The following CENPK variants were observed in gnomAD, a reference collection of about 807,000 sequenced individuals.
CENPK encodes the protein centromere protein K.
A neutral mutation model predicts 40.9 loss-of-function variants in CENPK; 46 were observed. The observed-to-expected ratio is 1.13, with a 90% confidence interval of 0.89 to 1.44. The LOEUF (loss-of-function observed/expected upper bound fraction) is 1.44, where lower values mean the gene tolerates loss of function less well. Ranked by LOEUF, CENPK falls within the 40% of genes most tolerant of loss-of-function variation. The pLI is 0.00. For missense variants in CENPK, 288 were observed against 303.5 expected, an observed-to-expected ratio of 0.95 and a Z score of 0.38; for synonymous variants, 107 against 104.4, an observed-to-expected ratio of 1.02 and a Z score of -0.15.
intron 6 of CENPK, among the ~76,000 whole-genome samples, chr5:65,533,055 G>T (rs768778794): frequency 6.6e-6 from 1 of 151,226 alleles, no homozygotes; most frequent in East Asian, 2.0e-4. Flanking sequence ...ATATTAATTT[G>T]TGATTTTAAA....
chr5:65,528,004 C>G (rs1049827071), intron 9 of CENPK, among the ~76,000 whole-genome samples: 2 of 152,104 alleles, frequency 1.3e-5, no homozygotes, highest in Non-Finnish European at 2.9e-5. Flanking sequence ...ACTTGGGAGG[C>G]CGAGGTGGGC....
chr5:65,559,920 T>A (rs1751675014), intron 2 of CENPK, among the ~76,000 whole-genome samples: 1 of 152,008 alleles, frequency 6.6e-6, no homozygotes, highest in Admixed American at 6.5e-5. Flanking sequence ...TTTAAATGTA[T>A]ATTTTGGTCC....
downstream of CENPK, among the ~76,000 whole-genome samples, chr5:65,513,975 C>G (rs1051653052): frequency 3.3e-5 from 5 of 152,156 alleles, no homozygotes; most frequent in African/African-American, 1.2e-4. Context: ...TTGATATGAT[C>G]ATGACCTTAC....
intron 10 of CENPK, among the ~76,000 whole-genome samples, chr5:65,519,063 T>C (rs549241462): frequency 4.3e-4 from 66 of 152,208 alleles, no homozygotes; most frequent in Non-Finnish European, 8.1e-4. Flanking sequence ...GATAAATCTT[T>C]GCAAGAGTCA....
the CENPK span, among the ~76,000 whole-genome samples, chr5:65,501,660 A>T: frequency 6.6e-6 from 1 of 152,326 alleles, no homozygotes; most frequent in Admixed American, 6.5e-5. Context: ...AATGGGGCAC[A>T]GTCTCATCAC....
chr5:65,562,295 G>C (rs550889702), intron 1 of CENPK, among the ~76,000 whole-genome samples: 1 of 152,278 alleles, frequency 6.6e-6, no homozygotes, highest in East Asian at 1.9e-4. Flanking sequence ...GAACGAACAA[G>C]GGAAATTTGT....
At chr5:65,552,630 C>G in intron 3 of CENPK, 81 bp from the exon 4 acceptor site, 1 of 735,316 alleles carries the variant, frequency 1.4e-6, no homozygotes, top group Non-Finnish European at 2.2e-6. Flanking sequence ...TTCTACCAGG[C>G]CAATATAACA....
chr5:65,512,701 T>C, the CENPK span, among the ~76,000 whole-genome samples: 3 of 152,232 alleles, frequency 2.0e-5, no homozygotes, highest in African/African-American at 7.2e-5. Flanking sequence ...TCACTTGTAG[T>C]ATTTGTTTTA....
At chr5:65,520,491 C>T (rs1207953751) in intron 10 of CENPK, among the ~76,000 whole-genome samples, 3 of 151,830 alleles carry the variant, frequency 2.0e-5, no homozygotes, top group Non-Finnish European at 2.9e-5. Context: ...TCAGTATTTC[C>T]ATGACTGACA....
At chr5:65,499,605 C>T in the CENPK span, among the ~76,000 whole-genome samples, 29,673 of 150,782 alleles carry the variant, frequency 0.2, 3,453 homozygotes, top group South Asian at 0.32. Context: ...TTAAAACCCA[C>T]CCACTTTCTC....
At chr5:65,558,090 G>A (rs372951517) in intron 2 of CENPK, among the ~76,000 whole-genome samples, 2 of 152,056 alleles carry the variant, frequency 1.3e-5, no homozygotes, top group East Asian at 3.9e-4. Flanking sequence ...TCCACCCTGG[G>A]TGACAAAGCA....
At chr5:65,528,772 A>G (rs1745200357) in intron 8 of CENPK, 147 bp downstream of exon 8, 4 of 902,928 alleles carry the variant, frequency 4.4e-6, no homozygotes, top group Non-Finnish European at 6.5e-6. Flanking sequence ...CAAGTCACCC[A>G]TAAAAGATCA....
rs553230719 is a variant in CENPK, at chr5:65,539,742, A to G, written c.288+3060T>C. On this transcript the variant is annotated intron_variant, in intron 6 of 10. Coordinates refer to ENST00000396679, the MANE Select transcript of CENPK (RefSeq NM_022145.5). ...ACCATGGCTCTCCTGGACTGAGGTC[A>G]TAAGCTCAAGGCTCTGCCAGGAGGC... Among the ~76,000 whole-genome samples the G allele has an allele frequency of 2.6e-5, 4 of 152,338 alleles. No individual in the cohort carries two copies. The East Asian group carries it at 7.7e-4, about 29-fold the overall frequency.
chr5:65,549,979 CA>C (rs1263480020), intron 5 of CENPK, among the ~76,000 whole-genome samples: 1 of 151,918 alleles, frequency 6.6e-6, no homozygotes, highest in Admixed American at 6.6e-5. Flanking sequence ...CCATCCTGGC[CA>C]ACATGGTGAA....
At chr5:65,556,986 C>T (rs956808915) in intron 2 of CENPK, among the ~76,000 whole-genome samples, 73 of 152,266 alleles carry the variant, frequency 4.8e-4, no homozygotes, top group African/African-American at 1.7e-3. Flanking sequence ...CACATATCCC[C>T]GTTGTTAAGT....
At chr5:65,543,154 G>A (rs1748275533) in intron 5 of CENPK, among the ~76,000 whole-genome samples, 1 of 152,074 alleles carries the variant, frequency 6.6e-6, no homozygotes, top group African/African-American at 2.4e-5. Flanking sequence ...AGTAGAGATG[G>A]GATTTCATCA....
chr5:65,554,099 C>T (rs1468283767), intron 3 of CENPK, among the ~76,000 whole-genome samples: 1 of 152,070 alleles, frequency 6.6e-6, no homozygotes, highest in Non-Finnish European at 1.5e-5. Context: ...TCTACTTTTA[C>T]AGGCTAACTC....
the CENPK span, among the ~76,000 whole-genome samples, chr5:65,501,479 C>T: frequency 7.2e-5 from 11 of 151,980 alleles, no homozygotes; most frequent in African/African-American, 2.7e-4. Context: ...GCTCCTGGCC[C>T]TCTGTTTTAT....
intron 8 of CENPK, 44 bp downstream of exon 8, chr5:65,528,875 A>C (rs1324970934): frequency 2.5e-6 from 3 of 1,220,686 alleles, no homozygotes; most frequent in Non-Finnish European, 3.5e-6. Context: ...ACAAAAAATA[A>C]AATACTTTTC....
Sources: allele counts gnomAD v4.1 joint callset (sites outside exome capture counted in the v4.1 genomes callset), GRCh38; gene constraint gnomAD v4.1.1; transcripts MANE v1.5; gene names NCBI Gene and HGNC (gene_info 2026-07-23, HGNC 2026-07-21).